Variants in RHOBTB3 observed in about 807,000 individuals in gnomAD.
The protein encoded by RHOBTB3 is rho-related BTB domain-containing protein 3.
RHOBTB3 carries 47 observed loss-of-function variants against 67.2 expected under a neutral mutation model. The ratio of observed to expected loss-of-function variants is 0.70; its 90% CI spans 0.55 to 0.89. RHOBTB3 has a LOEUF of 0.89. Among genes scored for constraint, RHOBTB3 ranks in the 40% least tolerant of loss-of-function variants. The probability of loss-of-function intolerance (pLI) is 0.00; values close to 1 mark genes in which losing one functional copy is unlikely to be tolerated. For missense variants in RHOBTB3, 631 were observed against 750.0 expected, an observed-to-expected ratio of 0.84 and a Z score of 1.85; for synonymous variants, 273 against 274.2, an observed-to-expected ratio of 1.00 and a Z score of 0.04.
chr5:95,740,789 T>C (rs1400701673), intron 3 of RHOBTB3, among the ~76,000 whole-genome samples: 2 of 152,206 alleles, frequency 1.3e-5, no homozygotes, highest in African/African-American at 2.4e-5. Flanking sequence ...TTGCCTCTTA[T>C]TTTGCAAAAT....
chr5:95,748,154 G>A (rs1013487335), intron 3 of RHOBTB3, among the ~76,000 whole-genome samples, 179 bp from the exon 4 acceptor site: 2 of 151,912 alleles, frequency 1.3e-5, no homozygotes, highest in Non-Finnish European at 2.9e-5. Context: ...GTGAATGCTT[G>A]TTTATTTAGG....
At chr5:95,725,682 T>C (rs1295427635) in intron 1 of RHOBTB3, among the ~76,000 whole-genome samples, 1 of 152,266 alleles carries the variant, frequency 6.6e-6, no homozygotes, top group African/African-American at 2.4e-5. Context: ...ATTTACTACT[T>C]GTATAACCTC....
At chr5:95,776,495 TAATA>T (rs1388163180) in intron 8 of RHOBTB3, among the ~76,000 whole-genome samples, 2 of 152,168 alleles carry the variant, frequency 1.3e-5, no homozygotes, top group Non-Finnish European at 2.9e-5. Context: ...CACGCAATAA[TAATA>T]AATTTGAAGT....
chr5:95,748,039 G>A (rs1744971879), intron 3 of RHOBTB3, among the ~76,000 whole-genome samples: 2 of 152,192 alleles, frequency 1.3e-5, no homozygotes, highest in Non-Finnish European at 2.9e-5. Context: ...GGATGTCAAG[G>A]TTGTGTAAAA....
chr5:95,731,840 G>GC lies in RHOBTB3; in HGVS notation c.3-14dup. The stretch of plus-strand genomic sequence containing the variant: ...CTGACCGTGCTTCCCTTCTCCCCTC[G>GC]CCCCCTCTGTCCGTGCAGGTCCATC... On this transcript the variant is annotated intron_variant, in intron 1 of 11. Transcript: ENST00000379982. The GC allele has an allele frequency of 6.2e-7, 1 of 1,605,952 alleles. No homozygotes were observed.
At position 95,788,639 on chromosome 5, in the gene RHOBTB3, C is replaced by T. The variant is rs1746288982; in HGVS notation, c.1624-123C>T. On this transcript the variant is annotated intron_variant, in intron 10 of 11. Transcript: ENST00000379982. ...TGTCACAGTATACTGAAAGCTGCAT[C>T]AGGTAAAGGCACATTAAACATGAAT... is the stretch of plus-strand genomic sequence containing the variant. The T allele has an allele frequency of 1.3e-5, 8 of 629,584 alleles. No homozygotes were observed. In the South Asian group the frequency reaches 1.6e-4, roughly 13 times the overall value. The allele number at this position is 629,584 out of a possible 1,614,324, so 39.0% of individuals were successfully genotyped here. A position where few individuals can be genotyped will look rare whatever the true frequency, so the allele number is the denominator to read the frequency against.
chr5:95,735,620 T>C (rs968503945), intron 2 of RHOBTB3, among the ~76,000 whole-genome samples: 1 of 152,220 alleles, frequency 6.6e-6, no homozygotes, highest in Non-Finnish European at 1.5e-5. Context: ...ACCTAGCTAT[T>C]TTCTTAATCT....
chr5:95,782,469 A>G (rs1240057260), intron 9 of RHOBTB3: 1 of 152,224 alleles, frequency 6.6e-6, no homozygotes, highest in Non-Finnish European at 1.5e-5. Flanking sequence ...TGATGACTGC[A>G]CAGCAGTGTG....
rs568221944 is a variant in RHOBTB3 at position 95,746,589 on chromosome 5, A to C, written c.416-1744A>C. 2.0e-5 allele frequency among the ~76,000 whole-genome samples: 3 copies of C among 152,324 alleles called. No individual in the cohort carries two copies. The East Asian group carries it at 5.8e-4, about 29-fold the overall frequency. Reference sequence around the variant, plus strand: ...TTTATGGCATAATTTAGAGAACTCAAGTTTAATTTTTAAATCACTGTATCT... The same window carrying C: ...TTTATGGCATAATTTAGAGAACTCACGTTTAATTTTTAAATCACTGTATCT... On this transcript the variant is annotated intron_variant, in intron 3 of 11. Transcript: ENST00000379982.
chr5:95,731,324 A>G, upstream of RHOBTB3: 1 of 1,079,394 alleles, frequency 9.3e-7, no homozygotes, highest in East Asian at 6.5e-5. Context: ...GAGGAGGAGC[A>G]GCGGCAGCGG....
At chr5:95,718,222 G>C (rs147648354) in intron 1 of RHOBTB3, among the ~76,000 whole-genome samples, 3 of 152,282 alleles carry the variant, frequency 2.0e-5, no homozygotes, top group East Asian at 3.9e-4. Context: ...AATAGCTAGA[G>C]ACTTGCATAT....
At chr5:95,739,116 T>C (rs370863196) in intron 3 of RHOBTB3, among the ~76,000 whole-genome samples, 2 of 152,368 alleles carry the variant, frequency 1.3e-5, no homozygotes, top group East Asian at 3.9e-4. Flanking sequence ...GTCTTGCTCC[T>C]GGCACATATC....
chr5:95,792,708 C>T (rs1746446028), intron 11 of RHOBTB3, among the ~76,000 whole-genome samples: 2 of 150,610 alleles, frequency 1.3e-5, no homozygotes, highest in Middle Eastern at 3.4e-3. Flanking sequence ...AGGAGAATTG[C>T]TTGAACTGGG....
In RHOBTB3 at chr5:95,748,356, C is replaced by T; in HGVS notation, c.439C>T (p.Leu147=). The T allele has an allele frequency of 6.2e-7, 1 of 1,610,278 alleles. No individual in the cohort carries two copies. Among genetic ancestry groups the T allele is most frequent in the Non-Finnish European group, 8.5e-7 (1 of 1,177,928 alleles). The change falls in exon 4 of 12, where the codon CTA becomes TTA. Residue 147 remains leucine, a synonymous_variant. Coordinates refer to ENST00000379982, the MANE Select transcript of RHOBTB3 (RefSeq NM_014899.4). ...AGAAGAGTTACCTTGTACATGCCCA[C>T]TATGTACCTCAGACAGAGGGAGCTG... ...QNEELPCTCP[L]CTSDRGSCVS...
chr5:95,736,225 T>A (rs1755452716), intron 2 of RHOBTB3, among the ~76,000 whole-genome samples: 1 of 152,256 alleles, frequency 6.6e-6, no homozygotes, highest in African/African-American at 2.4e-5. Context: ...TTATCCTGAA[T>A]TTTTAATTTA....
At chr5:95,751,080 C>T (rs1408428482) in intron 4 of RHOBTB3, among the ~76,000 whole-genome samples, 2 of 152,124 alleles carry the variant, frequency 1.3e-5, no homozygotes, top group Non-Finnish European at 2.9e-5. Flanking sequence ...TGGACTTTTG[C>T]CCCAGGCCTT....
At chr5:95,760,798 G>T (rs974678422) in intron 6 of RHOBTB3, among the ~76,000 whole-genome samples, 1 of 152,056 alleles carries the variant, frequency 6.6e-6, no homozygotes. Flanking sequence ...TAATGATATC[G>T]CATTATATAC....
chr5:95,763,539 T>A lies in RHOBTB3; in HGVS notation c.1080T>A (p.Asp360Glu). The A allele has an allele frequency of 6.2e-7, 1 of 1,612,390 alleles. No homozygotes were observed. The highest frequency in any genetic ancestry group is 8.5e-7 in the Non-Finnish European group (1 of 1,178,848). The change falls in exon 7 of 12, where the codon GAT becomes GAA. Residue 360 changes from aspartate (D) to glutamate (E), a missense_variant. Physicochemically the swap from Asp to Glu is conservative, Grantham distance 45 (BLOSUM62 2). Coordinates refer to ENST00000379982, the MANE Select transcript of RHOBTB3 (RefSeq NM_014899.4). Reference sequence around the variant, plus strand: ...TTCAGTGGGAAGAATTGGAAGAAGATATCAGGAAGAAGTTGAAAGATTCTG... The same window carrying A: ...TTCAGTGGGAAGAATTGGAAGAAGAAATCAGGAAGAAGTTGAAAGATTCTG... ...GAFQWEELEE[D>E]IRKKLKDSGD...
intron 10 of RHOBTB3, among the ~76,000 whole-genome samples, chr5:95,786,984 A>G (rs1297515043): frequency 6.6e-6 from 1 of 152,162 alleles, no homozygotes; most frequent in East Asian, 1.9e-4. Context: ...TGTGCTACCA[A>G]TTCCTCATTC....
Sources: allele counts gnomAD v4.1 joint callset (sites outside exome capture counted in the v4.1 genomes callset), GRCh38; gene constraint gnomAD v4.1.1; transcripts MANE v1.5; gene names NCBI Gene and HGNC (gene_info 2026-07-23, HGNC 2026-07-21).